The following TMEFF2 variants were observed in gnomAD, a reference collection of about 807,000 sequenced individuals.
TMEFF2 encodes the protein transmembrane protein with EGF like and two follistatin like domains 2, also known as tomoregulin-2.
In TMEFF2, 28 loss-of-function variants were observed where a neutral mutation model predicts 53.8. The ratio of observed to expected loss-of-function variants is 0.52; its 90% CI spans 0.39 to 0.71. The LOEUF is 0.71. Among genes scored for constraint, TMEFF2 ranks in the 30% least tolerant of loss-of-function variants. The pLI is 0.00. For synonymous variants in TMEFF2, 162 were observed against 166.3 expected (o/e 0.97, Z 0.20); for missense variants, 353 against 455.2 (o/e 0.78, Z 2.04).
At chr2:192,155,537 G>A (rs760113090) in intron 4 of TMEFF2, among the ~76,000 whole-genome samples, 1 of 151,952 alleles carries the variant, frequency 6.6e-6, no homozygotes, top group Non-Finnish European at 1.5e-5. Context: ...GAGTAGGATT[G>A]CTGTATTTGG....
At chr2:192,135,736 C>T (rs1291879498) in intron 4 of TMEFF2, among the ~76,000 whole-genome samples, 1 of 152,132 alleles carries the variant, frequency 6.6e-6, no homozygotes, top group Admixed American at 6.5e-5. Context: ...CACATATACA[C>T]CCAGATGGCC....
intron 5 of TMEFF2, among the ~76,000 whole-genome samples, chr2:192,007,192 C>T (rs1021094087): frequency 9.9e-5 from 15 of 152,080 alleles, no homozygotes; most frequent in African/African-American, 3.6e-4. Context: ...AGGCTTTATT[C>T]ATATGGCACA....
At chr2:192,177,291 A>G (rs1056432865) in intron 4 of TMEFF2, 2 of 151,244 alleles carry the variant, frequency 1.3e-5, no homozygotes, top group Non-Finnish European at 3.0e-5. Context: ...CAAGTCAAAT[A>G]TATCTTACGA....
chr2:192,055,997 A>G (rs1190008615), intron 5 of TMEFF2, among the ~76,000 whole-genome samples: 2 of 152,136 alleles, frequency 1.3e-5, no homozygotes, highest in African/African-American at 4.8e-5. Flanking sequence ...GGCAGTGTTT[A>G]CTTGTAAGTA....
chr2:191,950,424 TTTACAAATCTCAGTCCAATGCTA>T lies in TMEFF2; in HGVS notation c.1029-40_1029-18del. 6.2e-7 allele frequency: 1 copy of T among 1,614,020 alleles called. No individual in the cohort carries two copies. Among genetic ancestry groups the T allele is most frequent in the Non-Finnish European group, 8.5e-7 (1 of 1,179,934 alleles). ...GGGCATTTCCTGGAAGGTTGGAAAG[TTTACAAATCTCAGTCCAATGCTA>T]TTACCTAAAGTTTGGCCCTACAATC... On this transcript the variant is annotated intron_variant, in intron 9 of 9. Coordinates refer to ENST00000272771, the MANE Select transcript of TMEFF2 (RefSeq NM_016192.4).
At chr2:191,955,043 C>T (rs533741321) in intron 8 of TMEFF2, among the ~76,000 whole-genome samples, 58 of 149,134 alleles carry the variant, frequency 3.9e-4, no homozygotes, top group African/African-American at 1.2e-3. Context: ...AGTAACTTCT[C>T]AGTTTTGTTC....
At chr2:192,005,921 CTG>C (rs1405031037) in intron 5 of TMEFF2, among the ~76,000 whole-genome samples, 19 of 152,052 alleles carry the variant, frequency 1.2e-4, no homozygotes, top group African/African-American at 3.6e-4. Flanking sequence ...GCAGGAATGA[CTG>C]TGAGTTGTGA....
At chr2:192,151,025 G>A (rs549861158) in intron 4 of TMEFF2, among the ~76,000 whole-genome samples, 60 of 151,792 alleles carry the variant, frequency 4.0e-4, no homozygotes, top group Admixed American at 8.5e-4. Flanking sequence ...ATTGGATCAT[G>A]GGGGCATTTT....
rs533301183 is a variant in TMEFF2 at position 192,077,849 on chromosome 2, T to C, written c.440-20074A>G. Among the ~76,000 whole-genome samples the C allele has an allele frequency of 5.1e-4, 77 of 152,234 alleles. 2 individuals are homozygous for C. The South Asian group carries it at 0.01, about 20-fold the overall frequency. ...ATAAGCACAACGTTCTGATTTCTTATAAGAGACTTAACAAAACTTCTATGT... is the reference window on the plus strand; with the variant it reads ...ATAAGCACAACGTTCTGATTTCTTACAAGAGACTTAACAAAACTTCTATGT... On this transcript the variant is annotated intron_variant, in intron 4 of 9. Coordinates refer to ENST00000272771, the MANE Select transcript of TMEFF2 (RefSeq NM_016192.4).
chr2:191,963,603 G>T (rs1287010939), intron 7 of TMEFF2, among the ~76,000 whole-genome samples: 1 of 152,170 alleles, frequency 6.6e-6, no homozygotes, highest in African/African-American at 2.4e-5. Flanking sequence ...GCATTTACTG[G>T]AATATAGTGA....
Position 191,951,364 on chromosome 2 carries a change from GAC to G in TMEFF2, c.1029-959_1029-958del, listed in dbSNP as rs752269980. Reference sequence around the variant, plus strand: ...GTCTCCAAATGTCCATACTTTTTGTGACACATGTGGTGTTTAGGAGGAGGGCA... The same window carrying G: ...GTCTCCAAATGTCCATACTTTTTGTGACATGTGGTGTTTAGGAGGAGGGCA... On this transcript the variant is annotated intron_variant, in intron 9 of 9. Transcript: ENST00000272771. Among the ~76,000 whole-genome samples the G allele has an allele frequency of 1.3e-3, 205 of 152,122 alleles. 1 individual carries two copies. Among genetic ancestry groups the G allele is most frequent in the Middle Eastern group, 6.8e-3 (2 of 294 alleles).
In TMEFF2 at chr2:191,949,580, G is replaced by T. The variant is rs1691806830; in HGVS notation, c.*731C>A. ...GTATACCTAGTATGTAACTTGTTCA[G>T]TAAGTTCAGATATATGCACTTAACT... On this transcript the variant is annotated 3_prime_UTR_variant, in exon 10 of 10. Transcript: ENST00000272771. The T allele has an allele frequency of 1.0e-6, 1 of 985,236 alleles. No homozygotes were observed. The highest frequency in any genetic ancestry group is 6.2e-5 in the Admixed American group (1 of 16,254). 61.0% of individuals were successfully genotyped at this position (985,236 alleles called of 1,614,324 possible).
At chr2:192,107,846 C>T (rs2105951435) in intron 4 of TMEFF2, among the ~76,000 whole-genome samples, 1 of 151,778 alleles carries the variant, frequency 6.6e-6, no homozygotes, top group Middle Eastern at 3.4e-3. Context: ...CAAGAAATCA[C>T]AAGGCAAAAT....
At position 192,060,377 on chromosome 2, in the gene TMEFF2, G is replaced by A. The variant is rs1688015083; in HGVS notation, c.440-2602C>T. Among the ~76,000 whole-genome samples the A allele has an allele frequency of 2.0e-5, 3 of 152,290 alleles. No individual in the cohort carries two copies. The South Asian group carries it at 6.2e-4, about 32-fold the overall frequency. ...TGTTGGTCCACAGACCACATTTTGA[G>A]TAGAAAGAATAGCACTGTGTTTTTC... On this transcript the variant is annotated intron_variant, in intron 4 of 9. Coordinates refer to ENST00000272771, the MANE Select transcript of TMEFF2 (RefSeq NM_016192.4).
intron 5 of TMEFF2, among the ~76,000 whole-genome samples, chr2:192,042,144 T>C (rs1473239984): frequency 6.7e-6 from 1 of 150,254 alleles, no homozygotes; most frequent in African/African-American, 2.5e-5. Flanking sequence ...GAGGTTGCAG[T>C]GAGCCGAGAT....
intron 4 of TMEFF2, among the ~76,000 whole-genome samples, chr2:192,067,925 C>T (rs1354538471): frequency 6.6e-6 from 1 of 151,900 alleles, no homozygotes; most frequent in Non-Finnish European, 1.5e-5. Flanking sequence ...GATTTCTATA[C>T]TTAACAAACC....
intron 4 of TMEFF2, chr2:192,178,891 G>A (rs1459812452): frequency 6.6e-6 from 1 of 151,160 alleles, no homozygotes; most frequent in African/African-American, 2.4e-5. Context: ...TATAGGTTGT[G>A]TTTTGTTTTG....
intron 4 of TMEFF2, among the ~76,000 whole-genome samples, chr2:192,069,157 C>A (rs562072891): frequency 3.3e-5 from 5 of 151,798 alleles, no homozygotes; most frequent in African/African-American, 1.2e-4. Flanking sequence ...TTGCTATTGG[C>A]TCTAGGTGGT....
chr2:192,081,770 A>AT (rs1688557242), intron 4 of TMEFF2, among the ~76,000 whole-genome samples: 1 of 150,446 alleles, frequency 6.6e-6, no homozygotes, highest in Non-Finnish European at 1.5e-5. Context: ...AAAATCATTG[A>AT]TGAGGTACCA....
Sources: gnomAD v4.1 joint callset for allele counts (sites outside exome capture counted in the v4.1 genomes callset) on GRCh38, gnomAD v4.1.1 for gene constraint, MANE v1.5 for transcripts, NCBI Gene and HGNC (gene_info 2026-07-23, HGNC 2026-07-21) for gene names.